Variants in EML2 observed in about 807,000 individuals in gnomAD.
EML2 encodes echinoderm microtubule-associated protein-like 2.
Under a neutral mutation model 84.7 loss-of-function variants are expected in EML2, and 59 were observed. The ratio of observed to expected loss-of-function variants is 0.70; its 90% CI spans 0.56 to 0.86. The LOEUF is 0.86. Ranked by LOEUF, EML2 falls within the 40% of genes least tolerant of loss-of-function variation. The probability of loss-of-function intolerance (pLI) is 0.00; values close to 1 mark genes in which losing one functional copy is unlikely to be tolerated. For missense variants in EML2, 818 were observed against 855.6 expected (o/e 0.96, Z 0.55); for synonymous variants, 352 against 348.9 (o/e 1.01, Z -0.10).
At chr19:45,623,410 T>G (rs944859090) in intron 9 of EML2, 2 of 151,980 alleles carry the variant, frequency 1.3e-5, no homozygotes, top group Non-Finnish European at 2.9e-5. Flanking sequence ...GGTGGGCACC[T>G]GTAGTCCCAG....
At position 45,615,855 on chromosome 19, in the gene EML2, G is replaced by A; in HGVS notation, c.1544C>T (p.Ala515Val). The change falls in exon 16 of 19, where the codon GCC (alanine) becomes GTC (valine). Residue 515 changes from alanine to valine, a missense_variant. Ala to Val is a moderately conservative substitution (Grantham distance 64). Coordinates refer to ENST00000245925, the MANE Select transcript of EML2 (RefSeq NM_012155.4). ...GGTGACAAAGCAGCTGCTGTCCTGG[G>A]CCCAATCCAGGTGGGTGATAAAACT... ...HSSFITHLDW[A>V]QDSSCFVTNS... is the part of the protein sequence containing the mutation. The A allele has an allele frequency of 6.2e-7, 1 of 1,613,944 alleles. No individual in the cohort carries two copies. Among genetic ancestry groups the A allele is most frequent in the Non-Finnish European group, 8.5e-7 (1 of 1,179,924 alleles).
intron 9 of EML2, chr19:45,623,405 G>C (rs1429234735): frequency 6.6e-6 from 1 of 151,936 alleles, no homozygotes; most frequent in Non-Finnish European, 1.5e-5. Flanking sequence ...CTGGTGGTGG[G>C]CACCTGTAGT....
Position 45,621,203 on chromosome 19 carries a change from G to T in EML2, c.1122+4C>A, listed in dbSNP as rs200862789. Reference sequence around the variant, plus strand: ...GGGGAGGGGTGCAGAGGAGAGAGGCGCACCTGGACCAGCAGTGAGAAGCCT... The same window carrying T: ...GGGGAGGGGTGCAGAGGAGAGAGGCTCACCTGGACCAGCAGTGAGAAGCCT... On this transcript the variant is annotated splice_donor_region_variant and intron_variant, in intron 11 of 18. Transcript: ENST00000245925. 1 of 1,613,344 alleles carries T rather than the reference G, an allele frequency of 6.2e-7. No individual in the cohort carries two copies. Among genetic ancestry groups the T allele is most frequent in the Admixed American group, 1.7e-5 (1 of 60,004 alleles).
At chr19:45,629,860 C>G (rs150974761) in intron 7 of EML2, 91 bp downstream of exon 7, 1 of 1,018,320 alleles carries the variant, frequency 9.8e-7, no homozygotes, top group Non-Finnish European at 1.5e-6. Context: ...GGCTTAAACA[C>G]GGGTCTATCT....
Position 45,638,418 on chromosome 19 carries a change from G to C in EML2, c.179+87C>G, listed in dbSNP as rs1974023862. The stretch of plus-strand genomic sequence containing the variant: ...CCTCAAACGATCCTCCCAAAGTGCT[G>C]AGATTACAGGCCTGAGCTGCCTTGA... On this transcript the variant is annotated intron_variant, in intron 3 of 18. Coordinates refer to ENST00000245925, the MANE Select transcript of EML2 (RefSeq NM_012155.4). 4.4e-6 allele frequency: 7 copies of C among 1,586,906 alleles called. No individual in the cohort carries two copies. In the Admixed American group the frequency reaches 5.0e-5, roughly 11 times the overall value.
chr19:45,635,339 A>G lies in EML2; in HGVS notation c.180-868T>C, dbSNP rs2122777525. On this transcript the variant is annotated intron_variant, in intron 3 of 18. Transcript: ENST00000245925. Reference sequence around the variant, plus strand: ...TTTTTAGTAGAGATGGGGTTTCACCATATTGGTCAGGGTGGTCTCCAACTC... The same window carrying G: ...TTTTTAGTAGAGATGGGGTTTCACCGTATTGGTCAGGGTGGTCTCCAACTC... Among the ~76,000 whole-genome samples, 2 of 151,982 alleles carry G rather than the reference A, an allele frequency of 1.3e-5. 1 individual carries two copies. The highest frequency in any genetic ancestry group is 2.9e-5 in the Non-Finnish European group (2 of 67,966).
intron 18 of EML2, among the ~76,000 whole-genome samples, chr19:45,611,542 G>T (rs938796820): frequency 6.6e-6 from 1 of 152,054 alleles, no homozygotes; most frequent in Middle Eastern, 3.4e-3. Flanking sequence ...CTGGAGTGCA[G>T]TGGTGCAATC....
At chr19:45,628,229 G>A (rs531506018) in intron 7 of EML2, among the ~76,000 whole-genome samples, 59 of 151,542 alleles carry the variant, frequency 3.9e-4, no homozygotes, top group African/African-American at 1.2e-3. Flanking sequence ...AAAATTAGGC[G>A]TGGTGGTGCG....
intron 16 of EML2, 46 bp from the exon 17 acceptor site, chr19:45,614,746 C>T (rs1258486202): frequency 6.9e-7 from 1 of 1,455,852 alleles, no homozygotes. Context: ...GAAGAACTAC[C>T]CAGTAAACCC....
chr19:45,634,359 G>C lies in EML2; in HGVS notation c.292C>G (p.Gln98Glu), dbSNP rs145794677. The change falls in exon 4 of 19, where the codon CAG becomes GAG. Residue 98 changes from glutamine (Q) to glutamate (E), a missense_variant. By Grantham distance (29) the Gln-to-Glu change is conservative. Transcript: ENST00000245925. Reference protein sequence around the residue: ...AVLYSVEEQRQRHYLGHNDDI... With the variant: ...AVLYSVEEQRERHYLGHNDDI... ...TCGTTGTGTCCCAGGTAGTGTCGCT[G>C]CCTCTGCTCCTCCACGCTGTATAGC... The C allele has an allele frequency of 1.2e-5, 19 of 1,613,784 alleles. No individual in the cohort carries two copies. The highest frequency in any genetic ancestry group is 3.3e-4 in the Middle Eastern group (2 of 6,084).
intron 4 of EML2, 98 bp from the exon 5 acceptor site, chr19:45,633,237 A>G: frequency 4.1e-6 from 5 of 1,233,024 alleles, no homozygotes; most frequent in Non-Finnish European, 5.9e-6. Flanking sequence ...GGTTGAGTTT[A>G]GTCAATAAAC....
rs1277881015 is a variant in EML2 at position 45,634,391 on chromosome 19, A to T, written c.260T>A (p.Val87Glu). ...CTCCTCCACGCTGTATAGCACGGCT[A>T]CGGAGGCCACAAAGTACACTATCTC... ...TGEIVYFVAS[V>E]AVLYSVEEQR... The change falls in exon 4 of 19, where the codon GTA becomes GAA. Residue 87 changes from valine to glutamate, a missense_variant. Transcript: ENST00000245925. The T allele has an allele frequency of 1.2e-6, 2 of 1,613,994 alleles. No individual in the cohort carries two copies. The highest frequency in any genetic ancestry group is 2.7e-5 in the African/African-American group (2 of 74,920).
intron 11 of EML2, 47 bp from the exon 12 acceptor site, chr19:45,619,238 T>G: frequency 6.4e-7 from 1 of 1,573,660 alleles, no homozygotes; most frequent in South Asian, 1.2e-5. Context: ...GCCCTGGCCT[T>G]TTCCCACTCA....
At chr19:45,628,433 C>T (rs760255417) in intron 7 of EML2, among the ~76,000 whole-genome samples, 13 of 152,094 alleles carry the variant, frequency 8.5e-5, no homozygotes, top group Non-Finnish European at 1.3e-4. Flanking sequence ...CACAGCTAGG[C>T]AAGAGTTGTG....
At chr19:45,613,456 G>T in intron 18 of EML2, 85 bp downstream of exon 18, 1 of 1,508,180 alleles carries the variant, frequency 6.6e-7, no homozygotes, top group Non-Finnish European at 9.1e-7. Flanking sequence ...TCAGAGAAGG[G>T]GTGGGGTTGG....
upstream of EML2, chr19:45,642,377 G>T (rs1974617730): frequency 7.2e-6 from 11 of 1,525,296 alleles, no homozygotes; most frequent in Non-Finnish European, 9.7e-6. Flanking sequence ...AGTGCCGGCT[G>T]CAGGGCCACC....
At chr19:45,620,944 C>T (rs758812610) in intron 11 of EML2, 9 of 580,286 alleles carry the variant, frequency 1.6e-5, no homozygotes, top group South Asian at 1.4e-4. Flanking sequence ...TAGGGACACT[C>T]ACCAACCTGA....
rs919449068 is a variant in EML2 at position 45,623,800 on chromosome 19, C to G, written c.841+919G>C. 1.2e-4 allele frequency among the ~76,000 whole-genome samples: 18 copies of G among 152,170 alleles called. 1 individual carries two copies. The highest frequency in any genetic ancestry group is 1.0e-3 in the Admixed American group (16 of 15,266). On this transcript the variant is annotated intron_variant, in intron 9 of 18. Coordinates refer to ENST00000245925, the MANE Select transcript of EML2 (RefSeq NM_012155.4). ...TCCTGACCTCATGTGATCTGCCTGCCTCGGCTTCCCAAAGTGCTGGGATTA... is the reference window on the plus strand; with the variant it reads ...TCCTGACCTCATGTGATCTGCCTGCGTCGGCTTCCCAAAGTGCTGGGATTA...
chr19:45,633,512 G>A (rs1973331886), intron 4 of EML2, among the ~76,000 whole-genome samples: 1 of 151,940 alleles, frequency 6.6e-6, no homozygotes, highest in Non-Finnish European at 1.5e-5. Flanking sequence ...GCCGAGGCGG[G>A]CGGATCACCA....
Sources: gnomAD v4.1 joint callset for allele counts (sites outside exome capture counted in the v4.1 genomes callset) on GRCh38, gnomAD v4.1.1 for gene constraint, MANE v1.5 for transcripts, NCBI Gene and HGNC (gene_info 2026-07-23, HGNC 2026-07-21) for gene names.